Variants in NFYC observed in about 807,000 individuals in gnomAD.
NFYC encodes nuclear transcription factor Y subunit gamma, also known as CAAT box DNA-binding protein subunit C.
NFYC carries 25 observed loss-of-function variants against 53.1 expected under a neutral mutation model. That is an observed-to-expected ratio of 0.47 (90% confidence interval 0.34 to 0.66). The LOEUF is 0.66. Ranked by LOEUF, NFYC falls within the 30% of genes least tolerant of loss-of-function variation. The probability of loss-of-function intolerance (pLI) is 0.01; values close to 1 mark genes in which losing one functional copy is unlikely to be tolerated. For missense variants in NFYC, 260 were observed against 422.7 expected (o/e 0.62, Z 3.38); for synonymous variants, 145 against 152.6 (o/e 0.95, Z 0.37).
At chr1:40,762,515 C>T (rs1359876227) in intron 6 of NFYC, among the ~76,000 whole-genome samples, 1 of 152,208 alleles carries the variant, frequency 6.6e-6, no homozygotes, top group Admixed American at 6.5e-5. Flanking sequence ...TCACCTGCCC[C>T]AGACTTGACT....
At chr1:40,766,811 C>A in intron 8 of NFYC, 108 bp downstream of exon 8, 1 of 1,484,602 alleles carries the variant, frequency 6.7e-7, no homozygotes, top group Non-Finnish European at 9.3e-7. Context: ...ATCCTTCAAC[C>A]AGAAGCACCA....
chr1:40,744,248 C>T (rs973946197), intron 2 of NFYC, among the ~76,000 whole-genome samples: 2 of 152,218 alleles, frequency 1.3e-5, no homozygotes, highest in Non-Finnish European at 1.5e-5. Context: ...CCACCCTGCC[C>T]ATCTCTGGAA....
intron 1 of NFYC, among the ~76,000 whole-genome samples, chr1:40,699,246 T>C (rs530703775): frequency 2.4e-4 from 36 of 152,314 alleles, no homozygotes; most frequent in Non-Finnish European, 4.4e-4. Flanking sequence ...TTTTGTATCA[T>C]GTCATTGGCT....
At chr1:40,767,209 G>T in intron 8 of NFYC, 1 of 517,586 alleles carries the variant, frequency 1.9e-6, no homozygotes, top group Non-Finnish European at 3.5e-6. Context: ...TGAGGGGGCT[G>T]CCTCCCTGGG....
intron 2 of NFYC, among the ~76,000 whole-genome samples, chr1:40,744,723 G>C (rs894922565): frequency 6.6e-6 from 1 of 152,226 alleles, no homozygotes; most frequent in Non-Finnish European, 1.5e-5. Flanking sequence ...GTGTGTGTCA[G>C]CTGTTCTTCC....
At chr1:40,743,462 G>A (rs1645455102) in intron 2 of NFYC, among the ~76,000 whole-genome samples, 1 of 152,206 alleles carries the variant, frequency 6.6e-6, no homozygotes, top group Non-Finnish European at 1.5e-5. Flanking sequence ...CTTTATGGAG[G>A]TGAGTTGGGG....
intron 2 of NFYC, among the ~76,000 whole-genome samples, chr1:40,740,218 C>T (rs1645267055): frequency 6.6e-6 from 1 of 152,122 alleles, no homozygotes; most frequent in Non-Finnish European, 1.5e-5. Context: ...ATTAATGTTG[C>T]AATTGCTTAA....
At chr1:40,715,421 T>C (rs1192300628) in intron 1 of NFYC, among the ~76,000 whole-genome samples, 20 of 151,712 alleles carry the variant, frequency 1.3e-4, no homozygotes, top group African/African-American at 2.7e-4. Flanking sequence ...TTTTTTTTTT[T>C]CCTGTAGAAA....
At chr1:40,733,015 C>CA (rs1409772999) in intron 1 of NFYC, among the ~76,000 whole-genome samples, 7 of 81,752 alleles carry the variant, frequency 8.6e-5, no homozygotes, top group Admixed American at 1.6e-4. Flanking sequence ...TTCGCCCCCC[C>CA]CCCCTTTTTT....
chr1:40,709,924 A>G (rs948988887), intron 1 of NFYC, among the ~76,000 whole-genome samples: 6 of 152,218 alleles, frequency 3.9e-5, no homozygotes, highest in African/African-American at 1.4e-4. Context: ...CCTTTGTTCA[A>G]GTGCCCTGAA....
intron 6 of NFYC, among the ~76,000 whole-genome samples, chr1:40,761,709 T>C (rs762071545): frequency 1.3e-5 from 2 of 152,216 alleles, no homozygotes; most frequent in African/African-American, 2.4e-5. Context: ...CCTTCCCTTG[T>C]AACTTTGGAT....
At chr1:40,737,963 C>T (rs1011887425) in intron 1 of NFYC, among the ~76,000 whole-genome samples, 15 of 139,512 alleles carry the variant, frequency 1.1e-4, no homozygotes, top group South Asian at 9.0e-4. Flanking sequence ...AGTGCAGTGG[C>T]GGGATCTCGG....
At chr1:40,758,856 CTG>C (rs1454887007) in intron 6 of NFYC, among the ~76,000 whole-genome samples, 1 of 152,186 alleles carries the variant, frequency 6.6e-6, no homozygotes, top group Non-Finnish European at 1.5e-5. Flanking sequence ...GCAGAGAACT[CTG>C]TACTATGAGC....
intron 1 of NFYC, among the ~76,000 whole-genome samples, chr1:40,719,406 T>C (rs749032826): frequency 2.0e-5 from 3 of 152,192 alleles, no homozygotes; most frequent in Non-Finnish European, 2.9e-5. Flanking sequence ...ATCTCCAATA[T>C]AGGAGGCTGG....
intron 7 of NFYC, among the ~76,000 whole-genome samples, chr1:40,764,652 G>A (rs1646727243): frequency 6.6e-6 from 1 of 152,248 alleles, no homozygotes; most frequent in South Asian, 2.1e-4. Flanking sequence ...GGCACCTTCT[G>A]TAGGAGTCTT....
intron 2 of NFYC, 108 bp from the exon 3 acceptor site, chr1:40,747,426 C>T (rs748791618): frequency 1.1e-4 from 74 of 701,552 alleles, no homozygotes; most frequent in Non-Finnish European, 1.7e-4. Flanking sequence ...TCCCGACATA[C>T]GCTTCCTGAA....
Position 40,770,931 on chromosome 1 carries a change from C to G in NFYC, c.*103C>G. 7.8e-7 allele frequency: 1 copy of G among 1,283,472 alleles called. No individual in the cohort carries two copies. The highest frequency in any genetic ancestry group is 1.1e-6 in the Non-Finnish European group (1 of 911,980). 79.5% of individuals were successfully genotyped at this position (1,283,472 alleles called of 1,614,324 possible). On this transcript the variant is annotated 3_prime_UTR_variant, in exon 10 of 10. Transcript: ENST00000447388. The surrounding 1 kb of genome is among the most constrained non-coding windows in gnomAD (Gnocchi z 5.3). ...CCCCAGAGGACCCGGCCGACCTCAG[C>G]GCCTCCTGCAGGCTAGGACACTGGT...
rs1645191124 is a variant in NFYC, at chr1:40,738,835, G to A, written c.-8-1G>A. Reference sequence around the variant, plus strand: ...TGTCTTATGTATGTGTTTATTTTCAGTTGTCGAGATGTCCACAGAAGGAGG... The same window carrying A: ...TGTCTTATGTATGTGTTTATTTTCAATTGTCGAGATGTCCACAGAAGGAGG... On this transcript the variant is annotated splice_acceptor_variant, in intron 1 of 9. Transcript: ENST00000447388. LOFTEE classifies it low-confidence loss of function (5UTR_SPLICE). 2 of 1,610,628 alleles carry A rather than the reference G, an allele frequency of 1.2e-6. No homozygotes were observed. Among genetic ancestry groups the A allele is most frequent in the Non-Finnish European group, 8.5e-7 (1 of 1,177,210 alleles).
At chr1:40,706,654 C>CT (rs910556209) in intron 1 of NFYC, among the ~76,000 whole-genome samples, 1 of 151,432 alleles carries the variant, frequency 6.6e-6, no homozygotes, top group African/African-American at 2.4e-5. Flanking sequence ...GAATGTGTTG[C>CT]TAAAAAAAAA....
Sources: gnomAD v4.1 joint callset for allele counts (sites outside exome capture counted in the v4.1 genomes callset) on GRCh38, gnomAD v4.1.1 for gene constraint, Gnocchi (gnomAD v3.1) non-coding constraint, MANE v1.5 for transcripts, NCBI Gene and HGNC (gene_info 2026-07-23, HGNC 2026-07-21) for gene names.